The following EPHA3 variants were observed in gnomAD, a reference collection of about 807,000 sequenced individuals.
EPHA3 encodes the protein ephrin type-A receptor 3.
Under a neutral mutation model 107.1 loss-of-function variants are expected in EPHA3, and 42 were observed. That is an observed-to-expected ratio of 0.39 (90% CI 0.31 to 0.51). The LOEUF is 0.51. Among genes scored for constraint, EPHA3 ranks in the 20% least tolerant of loss-of-function variants. EPHA3 has a pLI of 0.78. For synonymous variants in EPHA3, 461 were observed against 424.8 expected (o/e 1.09, Z -1.05); for missense variants, 1,183 against 1,211.2 (o/e 0.98, Z 0.35).
Position 89,480,468 on chromosome 3 carries a change from T to G in EPHA3, c.*966T>G. ...TGGATTTTCAACCAGATAACATACC[T>G]TTCCTGCTCTGGTGCTTAGAGACTA... On this transcript the variant is annotated 3_prime_UTR_variant, in exon 17 of 17. Transcript: ENST00000336596. 1 of 233,388 alleles carries G rather than the reference T, an allele frequency of 4.3e-6. No homozygotes were observed. 14.5% of individuals were successfully genotyped at this position (233,388 alleles called of 1,614,324 possible).
intron 11 of EPHA3, among the ~76,000 whole-genome samples, chr3:89,427,048 A>G (rs1020556153): frequency 6.6e-6 from 1 of 151,834 alleles, no homozygotes; most frequent in Non-Finnish European, 1.5e-5. Context: ...TTGATAAAGC[A>G]AATTCTGGGG....
Position 89,154,257 on chromosome 3 carries a change from T to G in EPHA3, c.153+26984T>G, listed in dbSNP as rs28396603. On this transcript the variant is annotated intron_variant, in intron 2 of 16. Transcript: ENST00000336596. Reference sequence around the variant, plus strand: ...GAAAGTTTTGGGCTTCCTTGTTTTTTGGGTTTTTGTTTGTTTTTTTTTTTT... The same window carrying G: ...GAAAGTTTTGGGCTTCCTTGTTTTTGGGGTTTTTGTTTGTTTTTTTTTTTT... Among the ~76,000 whole-genome samples, 508 of 151,784 alleles carry G rather than the reference T, an allele frequency of 3.3e-3. 2 individuals carry two copies. Among genetic ancestry groups the G allele is most frequent in the African/African-American group, 0.012 (491 of 41,418 alleles).
chr3:89,297,873 A>G (rs143857410), intron 3 of EPHA3, among the ~76,000 whole-genome samples: 2 of 152,214 alleles, frequency 1.3e-5, no homozygotes, highest in African/African-American at 2.4e-5. Flanking sequence ...CGTCTCTACT[A>G]AAAATACAGA....
At chr3:89,402,909 C>T (rs1445578545) in intron 7 of EPHA3, among the ~76,000 whole-genome samples, 1 of 152,116 alleles carries the variant, frequency 6.6e-6, no homozygotes, top group African/African-American at 2.4e-5. Context: ...AACTCCTGAC[C>T]TCAAGTAATC....
chr3:89,280,797 G>A (rs1233584439), intron 3 of EPHA3, among the ~76,000 whole-genome samples: 1 of 152,010 alleles, frequency 6.6e-6, no homozygotes, highest in Non-Finnish European at 1.5e-5. Flanking sequence ...TGCTATCTAT[G>A]AGTAGGGTAG....
chr3:89,219,122 A>C (rs1203205511), intron 3 of EPHA3, among the ~76,000 whole-genome samples: 2 of 152,180 alleles, frequency 1.3e-5, no homozygotes, highest in Admixed American at 1.3e-4. Context: ...TTCAATCTCC[A>C]TGGAGTTTAA....
intron 2 of EPHA3, among the ~76,000 whole-genome samples, chr3:89,192,637 A>G (rs1416454436): frequency 6.6e-6 from 1 of 152,098 alleles, no homozygotes; most frequent in East Asian, 1.9e-4. Context: ...TCTAAAATAT[A>G]GAGTTAATTT....
intron 13 of EPHA3, among the ~76,000 whole-genome samples, chr3:89,447,948 A>G (rs1396381979): frequency 6.6e-6 from 1 of 152,166 alleles, no homozygotes; most frequent in Non-Finnish European, 1.5e-5. Context: ...AATCGGTCAC[A>G]TTTTGACGAA....
In EPHA3 at chr3:89,380,971, G is replaced by GTTTTTTTTTT. The variant is rs1373969030; in HGVS notation, c.1307-14863_1307-14862insTTTTTTTTTT. Among the ~76,000 whole-genome samples, 40 of 151,318 alleles carry GTTTTTTTTTT rather than the reference G, an allele frequency of 2.6e-4. 3 individuals carry two copies. Among genetic ancestry groups the GTTTTTTTTTT allele is most frequent in the African/African-American group, 9.5e-4 (39 of 40,900 alleles). ...TTTTTAACCAAAGCTGCTATAGGCT[G>GTTTTTTTTTT]TTTGTTTGTTTCTTTTTTTGAGACA... On this transcript the variant is annotated intron_variant, in intron 5 of 16. Coordinates refer to ENST00000336596, the MANE Select transcript of EPHA3 (RefSeq NM_005233.6).
intron 13 of EPHA3, among the ~76,000 whole-genome samples, chr3:89,434,995 A>G (rs1056998766): frequency 2.6e-5 from 4 of 152,114 alleles, no homozygotes; most frequent in Non-Finnish European, 5.9e-5. Context: ...CATTGATTTA[A>G]TCTCTCATAA....
chr3:89,476,791 A>G (rs1293040491), intron 16 of EPHA3, among the ~76,000 whole-genome samples: 3 of 151,420 alleles, frequency 2.0e-5, no homozygotes, highest in South Asian at 2.1e-4. Flanking sequence ...TGTATTTTTA[A>G]TAGAGACGGG....
At chr3:89,280,857 A>G (rs1164474869) in intron 3 of EPHA3, among the ~76,000 whole-genome samples, 2 of 152,090 alleles carry the variant, frequency 1.3e-5, no homozygotes, top group Non-Finnish European at 2.9e-5. Context: ...TAAAACAGCT[A>G]AAGTCTGTGA....
rs772813111 is a variant in EPHA3, at chr3:89,336,409, T to C, written c.815-4507T>C. Among the ~76,000 whole-genome samples, 14 of 152,272 alleles carry C rather than the reference T, an allele frequency of 9.2e-5. No homozygotes were observed. In the South Asian group the frequency reaches 1.2e-3, roughly 14 times the overall value. On this transcript the variant is annotated intron_variant, in intron 3 of 16. Coordinates refer to ENST00000336596, the MANE Select transcript of EPHA3 (RefSeq NM_005233.6). ...GATTTTTTGAAGGATAAAGAAGACATGACAGACAGACAGGTAATTGAGCAC... is the reference window on the plus strand; with the variant it reads ...GATTTTTTGAAGGATAAAGAAGACACGACAGACAGACAGGTAATTGAGCAC...
chr3:89,260,859 T>A (rs1345156771), intron 3 of EPHA3, among the ~76,000 whole-genome samples: 1 of 152,234 alleles, frequency 6.6e-6, no homozygotes, highest in South Asian at 2.1e-4. Context: ...TGGCTGCTTT[T>A]TCCCATTGTT....
intron 5 of EPHA3, among the ~76,000 whole-genome samples, chr3:89,362,747 A>G (rs1277559062): frequency 4.0e-5 from 6 of 151,010 alleles, no homozygotes; most frequent in Non-Finnish European, 8.9e-5. Context: ...GTGGCAGGAA[A>G]GGCTCCAGTG....
At chr3:89,210,716 A>G (rs553356286) in intron 3 of EPHA3, among the ~76,000 whole-genome samples, 196 bp downstream of exon 3, 1 of 152,110 alleles carries the variant, frequency 6.6e-6, no homozygotes, top group Non-Finnish European at 1.5e-5. Flanking sequence ...ATATTAATGT[A>G]TTTGATTATA....
chr3:89,355,201 A>C (rs1285702068), intron 5 of EPHA3, among the ~76,000 whole-genome samples: 1 of 151,316 alleles, frequency 6.6e-6, no homozygotes, highest in Non-Finnish European at 1.5e-5. Flanking sequence ...GAGTAAGAAG[A>C]GTTCTGGAAT....
At chr3:89,469,039 G>A (rs1238858587) in intron 15 of EPHA3, among the ~76,000 whole-genome samples, 1 of 151,890 alleles carries the variant, frequency 6.6e-6, no homozygotes, top group Non-Finnish European at 1.5e-5. Flanking sequence ...ATTGCTAAAG[G>A]AAAAAATTAA....
chr3:89,137,120 G>C (rs1211142724), intron 2 of EPHA3, among the ~76,000 whole-genome samples: 1 of 152,016 alleles, frequency 6.6e-6, no homozygotes. Flanking sequence ...ATGCAAAATA[G>C]TGTATGGCAG....
Sources: gnomAD v4.1 joint callset for allele counts (sites outside exome capture counted in the v4.1 genomes callset) on GRCh38, gnomAD v4.1.1 for gene constraint, MANE v1.5 for transcripts, NCBI Gene and HGNC (gene_info 2026-07-23, HGNC 2026-07-21) for gene names.